PALD1: variants seen among roughly 807,000 people sequenced by gnomAD.
PALD1 encodes the protein phosphatase domain containing paladin 1.
In PALD1, 57 loss-of-function variants were observed where a neutral mutation model predicts 96.0. The ratio of observed to expected loss-of-function variants is 0.59; its 90% CI spans 0.48 to 0.74. PALD1 has a LOEUF of 0.74. PALD1 is among the 30% of genes least tolerant of loss of function. The pLI is 0.00. For synonymous variants in PALD1, 464 were observed against 473.6 expected (o/e 0.98, Z 0.26); for missense variants, 1,063 against 1,143.7 (o/e 0.93, Z 1.02).
chr10:70,499,723 A>T (rs1846260154), intron 1 of PALD1, among the ~76,000 whole-genome samples: 2 of 152,180 alleles, frequency 1.3e-5, no homozygotes, highest in South Asian at 2.1e-4. Flanking sequence ...CTGGAGAGCC[A>T]CAGCTGGCAG....
the PALD1 span, among the ~76,000 whole-genome samples, chr10:70,463,214 C>T: frequency 1.1e-4 from 16 of 152,302 alleles, no homozygotes; most frequent in African/African-American, 1.4e-4. Context: ...ACCATCCTGG[C>T]TAACACGGTG....
intron 18 of PALD1, among the ~76,000 whole-genome samples, chr10:70,555,917 C>T (rs893599691): frequency 3.9e-5 from 6 of 152,182 alleles, no homozygotes; most frequent in African/African-American, 9.6e-5. Context: ...AGGAGAATGG[C>T]GTGAACCCGG....
At chr10:70,489,642 G>A (rs1334213384) in intron 1 of PALD1, among the ~76,000 whole-genome samples, 3 of 152,156 alleles carry the variant, frequency 2.0e-5, no homozygotes, top group African/African-American at 7.2e-5. Context: ...TCAAATGTGG[G>A]TAATACGTGG....
chr10:70,521,247 G>C (rs1846728444), intron 1 of PALD1, among the ~76,000 whole-genome samples: 1 of 152,144 alleles, frequency 6.6e-6, no homozygotes, highest in African/African-American at 2.4e-5. Context: ...GAAGGGGACA[G>C]TGTGAGGTGC....
the PALD1 span, among the ~76,000 whole-genome samples, chr10:70,473,211 C>A: frequency 6.6e-6 from 1 of 152,306 alleles, no homozygotes; most frequent in East Asian, 1.9e-4. Flanking sequence ...AATCGTGCTT[C>A]CCCAGCACCC....
At chr10:70,494,425 C>T (rs1030481355) in intron 1 of PALD1, among the ~76,000 whole-genome samples, 21 of 152,202 alleles carry the variant, frequency 1.4e-4, no homozygotes, top group African/African-American at 4.8e-4. Flanking sequence ...TGCATGAGCC[C>T]ATTTTATAGA....
intron 1 of PALD1, among the ~76,000 whole-genome samples, chr10:70,515,786 A>T (rs1252243492): frequency 6.6e-6 from 1 of 152,186 alleles, no homozygotes; most frequent in Non-Finnish European, 1.5e-5. Flanking sequence ...TGAACCCAAG[A>T]TAATGTGACT....
At chr10:70,463,126 C>T in the PALD1 span, among the ~76,000 whole-genome samples, 2 of 152,174 alleles carry the variant, frequency 1.3e-5, no homozygotes, top group African/African-American at 2.4e-5. Flanking sequence ...AAAAATGCGC[C>T]GGTCATGGTG....
At chr10:70,490,602 A>AT (rs1294842666) in intron 1 of PALD1, among the ~76,000 whole-genome samples, 2 of 152,242 alleles carry the variant, frequency 1.3e-5, no homozygotes, top group Non-Finnish European at 2.9e-5. Context: ...AAATAGTAGT[A>AT]AAACCAGAAA....
the PALD1 span, among the ~76,000 whole-genome samples, chr10:70,467,544 G>A: frequency 2.0e-5 from 3 of 152,296 alleles, no homozygotes; most frequent in South Asian, 6.2e-4. Context: ...CGGGGAAGCG[G>A]ATGGCGTCTG....
chr10:70,486,914 G>A (rs1428719044), intron 1 of PALD1, among the ~76,000 whole-genome samples: 1 of 152,126 alleles, frequency 6.6e-6, no homozygotes, highest in Admixed American at 6.6e-5. Context: ...GTCTCCTGCA[G>A]GGTTGCCCTG....
chr10:70,544,343 G>T (rs1475503382), intron 17 of PALD1, among the ~76,000 whole-genome samples: 1 of 152,174 alleles, frequency 6.6e-6, no homozygotes. Flanking sequence ...GGACTGAGGG[G>T]TGGGGGCCCA....
the PALD1 span, among the ~76,000 whole-genome samples, chr10:70,469,645 G>A: frequency 1.3e-4 from 20 of 152,030 alleles, no homozygotes; most frequent in African/African-American, 4.6e-4. Flanking sequence ...CTTCTGAGAA[G>A]CCTAGACCTC....
chr10:70,486,095 C>A, intron 1 of PALD1: 1 of 223,680 alleles, frequency 4.5e-6, no homozygotes. Context: ...GAGGTTACTG[C>A]CAGGTATTCC....
At position 70,540,491 on chromosome 10, in the gene PALD1, C is replaced by T. The variant is rs1470792501; in HGVS notation, c.1909-611C>T. Among the ~76,000 whole-genome samples the T allele has an allele frequency of 1.3e-5, 2 of 151,588 alleles. No individual in the cohort carries two copies. The highest frequency in any genetic ancestry group is 2.9e-5 in the Non-Finnish European group (2 of 67,858). On this transcript the variant is annotated intron_variant, in intron 15 of 19. Transcript: ENST00000263563. This position sits in a 1 kb window ranked among gnomAD's most constrained non-coding sequence, Gnocchi z 4.2. The stretch of plus-strand genomic sequence containing the variant: ...GTGTGTGTGTTTACCGGACGTGGAT[C>T]CCTGTGTGGTGCGTGTGTCTGGCGT...
At chr10:70,493,395 G>C (rs544231613) in intron 1 of PALD1, among the ~76,000 whole-genome samples, 1 of 152,242 alleles carries the variant, frequency 6.6e-6, no homozygotes, top group Non-Finnish European at 1.5e-5. Context: ...TGGGCTCTGC[G>C]GACAGTGATG....
intron 1 of PALD1, among the ~76,000 whole-genome samples, chr10:70,501,838 T>TGTGC (rs57837334): frequency 1.3e-5 from 2 of 150,330 alleles, no homozygotes; most frequent in Non-Finnish European, 3.0e-5. Flanking sequence ...TGTGTGTGCG[T>TGTGC]GCGTGCATGC....
intron 10 of PALD1, 90 bp downstream of exon 10, chr10:70,534,933 C>A: frequency 3.4e-6 from 3 of 871,790 alleles, no homozygotes; most frequent in Non-Finnish European, 5.7e-6. Flanking sequence ...TTCTTTCAGA[C>A]TGACTTTTTC....
intron 5 of PALD1, among the ~76,000 whole-genome samples, chr10:70,532,002 A>G (rs1847003430): frequency 6.6e-6 from 1 of 151,446 alleles, no homozygotes; most frequent in Admixed American, 6.6e-5. Flanking sequence ...AAAGAAAAAG[A>G]AAAAGAAAGG....
Sources: gnomAD v4.1 joint callset for allele counts (sites outside exome capture counted in the v4.1 genomes callset) on GRCh38, gnomAD v4.1.1 for gene constraint, Gnocchi (gnomAD v3.1) non-coding constraint, MANE v1.5 for transcripts, NCBI Gene and HGNC (gene_info 2026-07-23, HGNC 2026-07-21) for gene names.